Variants in ABTB3 observed in about 807,000 individuals in gnomAD.
ABTB3 encodes the protein ankyrin repeat- and BTB/POZ domain-containing protein 3.
chr12:107,379,008 T>A, the ABTB3 span, among the ~76,000 whole-genome samples: 1 of 152,184 alleles, frequency 6.6e-6, no homozygotes, highest in African/African-American at 2.4e-5. Context: ...GGTGTAGTGG[T>A]TAAGCACCAG....
the ABTB3 span, among the ~76,000 whole-genome samples, chr12:107,526,117 CAAA>C: frequency 2.0e-5 from 3 of 152,064 alleles, no homozygotes; most frequent in African/African-American, 7.2e-5. Flanking sequence ...GTCTGAGAAA[CAAA>C]AACTGAAGAA....
the ABTB3 span, among the ~76,000 whole-genome samples, chr12:107,516,724 C>A: frequency 6.6e-6 from 1 of 152,152 alleles, no homozygotes; most frequent in Non-Finnish European, 1.5e-5. Context: ...ACAAAGGTGC[C>A]CATCTTCAAA....
the ABTB3 span, among the ~76,000 whole-genome samples, chr12:107,426,677 G>A: frequency 2.0e-5 from 3 of 152,134 alleles, no homozygotes; most frequent in Non-Finnish European, 4.4e-5. Flanking sequence ...CAGCCTTTAT[G>A]GAGGGTGAAG....
At chr12:107,616,890 A>G in the ABTB3 span, among the ~76,000 whole-genome samples, 4 of 152,198 alleles carry the variant, frequency 2.6e-5, no homozygotes, top group Admixed American at 2.0e-4. Context: ...TGCATGGAAC[A>G]CATTCCGAGT....
the ABTB3 span, among the ~76,000 whole-genome samples, chr12:107,499,639 T>G: frequency 1.3e-5 from 2 of 152,142 alleles, no homozygotes; most frequent in Middle Eastern, 3.4e-3. Context: ...GAAGGCCTTC[T>G]TCATATGGCG....
the ABTB3 span, among the ~76,000 whole-genome samples, chr12:107,541,390 A>G: frequency 1.3e-5 from 2 of 152,248 alleles, no homozygotes; most frequent in South Asian, 4.1e-4. Flanking sequence ...CAGATATCGT[A>G]TTAGTCAGCA....
the ABTB3 span, chr12:107,659,222 T>C: frequency 1.3e-5 from 2 of 152,218 alleles, no homozygotes; most frequent in African/African-American, 4.8e-5. Context: ...TGAACCATTG[T>C]TCAGAGGACC....
the ABTB3 span, among the ~76,000 whole-genome samples, chr12:107,515,016 G>C: frequency 1.6e-4 from 25 of 152,062 alleles, no homozygotes; most frequent in South Asian, 8.3e-4. Context: ...ATCTCATTTC[G>C]CTCTCATACC....
At chr12:107,447,574 G>T in the ABTB3 span, among the ~76,000 whole-genome samples, 1 of 152,206 alleles carries the variant, frequency 6.6e-6, no homozygotes, top group East Asian at 1.9e-4. Flanking sequence ...GTGAGAAAGT[G>T]AAACGTGTTC....
the ABTB3 span, among the ~76,000 whole-genome samples, chr12:107,468,868 C>T: frequency 3.9e-5 from 6 of 152,134 alleles, no homozygotes; most frequent in Admixed American, 1.3e-4. Flanking sequence ...ACAGCAGACA[C>T]GAGCAGGGTG....
At chr12:107,388,464 CT>C in the ABTB3 span, among the ~76,000 whole-genome samples, 7 of 151,692 alleles carry the variant, frequency 4.6e-5, no homozygotes, top group Non-Finnish European at 1.0e-4. Flanking sequence ...TTCTCCTCCT[CT>C]TCCCCCTCCT....
the ABTB3 span, among the ~76,000 whole-genome samples, chr12:107,510,032 C>G: frequency 2.0e-5 from 3 of 152,180 alleles, no homozygotes; most frequent in Non-Finnish European, 4.4e-5. Context: ...GTATCAAACA[C>G]TTTACAGAGG....
chr12:107,372,483 C>G, the ABTB3 span, among the ~76,000 whole-genome samples: 1 of 152,276 alleles, frequency 6.6e-6, no homozygotes, highest in African/African-American at 2.4e-5. Flanking sequence ...GTGTGTGGCA[C>G]TGAGAGGTTG....
At chr12:107,529,795 G>A in the ABTB3 span, among the ~76,000 whole-genome samples, 1 of 152,166 alleles carries the variant, frequency 6.6e-6, no homozygotes, top group African/African-American at 2.4e-5. Flanking sequence ...AGTCTGAAGA[G>A]CTGTTCCTAA....
chr12:107,623,519 G>A, the ABTB3 span, among the ~76,000 whole-genome samples: 23,930 of 151,646 alleles, frequency 0.16, 2,935 homozygotes, highest in African/African-American at 0.34. Flanking sequence ...GGCACCCACC[G>A]CCATGCCTGG....
the ABTB3 span, chr12:107,318,936 C>T: frequency 6.3e-7 from 1 of 1,589,124 alleles, no homozygotes; most frequent in Admixed American, 1.7e-5. Flanking sequence ...TGAAGTGGCG[C>T]AGCGATGGCC....
the ABTB3 span, chr12:107,543,798 T>C: frequency 2.8e-6 from 2 of 709,506 alleles, no homozygotes; most frequent in South Asian, 3.9e-5. Flanking sequence ...GCTTGGTGAG[T>C]GACTTCAAGG....
the ABTB3 span, among the ~76,000 whole-genome samples, chr12:107,326,271 A>G: frequency 6.6e-6 from 1 of 152,222 alleles, no homozygotes; most frequent in African/African-American, 2.4e-5. Flanking sequence ...TTCATTTCTT[A>G]TACACTTAAA....
chr12:107,649,156 T>G, the ABTB3 span: 3,891 of 1,453,840 alleles, frequency 2.7e-3, no homozygotes, highest in Non-Finnish European at 3.4e-3. Context: ...CGAATGGCTT[T>G]GAGATGATGC....
Sources: gnomAD v4.1 joint callset for allele counts (sites outside exome capture counted in the v4.1 genomes callset) on GRCh38, gnomAD v4.1.1 for gene constraint, MANE v1.5 for transcripts, NCBI Gene and HGNC (gene_info 2026-07-23, HGNC 2026-07-21) for gene names.